The following PXDNL variants were observed in gnomAD, a reference collection of about 807,000 sequenced individuals.
PXDNL encodes probable oxidoreductase PXDNL.
Under a neutral mutation model 150.8 loss-of-function variants are expected in PXDNL, and 145 were observed. That is an observed-to-expected ratio of 0.96 (90% confidence interval 0.84 to 1.10). The LOEUF is 1.10. PXDNL is among the 50% of genes least tolerant of loss of function. PXDNL has a pLI of 0.00. For missense variants in PXDNL, 2,087 were observed against 1,873.9 expected, an observed-to-expected ratio of 1.11 and a Z score of -2.10; for synonymous variants, 757 against 725.7, an observed-to-expected ratio of 1.04 and a Z score of -0.69.
At chr8:51,642,068 A>G (rs1814771571) in intron 2 of PXDNL, among the ~76,000 whole-genome samples, 1 of 152,142 alleles carries the variant, frequency 6.6e-6, no homozygotes, top group Non-Finnish European at 1.5e-5. Flanking sequence ...GACATGGATG[A>G]AATTGGAAAC....
intron 17 of PXDNL, among the ~76,000 whole-genome samples, chr8:51,405,557 GAAGT>G (rs1808413777): frequency 1.3e-5 from 2 of 152,152 alleles, no homozygotes; most frequent in African/African-American, 4.8e-5. Flanking sequence ...AAAAGGAAAA[GAAGT>G]AATAAGATAA....
intron 2 of PXDNL, among the ~76,000 whole-genome samples, chr8:51,630,908 G>A (rs937763011): frequency 5.3e-5 from 8 of 152,066 alleles, no homozygotes; most frequent in Non-Finnish European, 7.4e-5. Flanking sequence ...ATTACCATTC[G>A]ACCTACCAAC....
intron 1 of PXDNL, among the ~76,000 whole-genome samples, chr8:51,695,140 T>A (rs920556698): frequency 1.3e-5 from 2 of 152,200 alleles, no homozygotes; most frequent in Non-Finnish European, 2.9e-5. Context: ...ACCTGCTGTG[T>A]TTCTGTGGTT....
chr8:51,712,434 T>C (rs1816520757), intron 1 of PXDNL, among the ~76,000 whole-genome samples: 1 of 152,240 alleles, frequency 6.6e-6, no homozygotes, highest in African/African-American at 2.4e-5. Flanking sequence ...TGTTTATTTA[T>C]TGTGTTTCTA....
intron 20 of PXDNL, among the ~76,000 whole-genome samples, chr8:51,341,475 ATATGAGATG>A (rs1195390402): frequency 6.6e-6 from 1 of 152,172 alleles, no homozygotes; most frequent in Non-Finnish European, 1.5e-5. Context: ...ATGATACTTA[ATATGAGATG>A]TATCTTCTCA....
intron 17 of PXDNL, among the ~76,000 whole-genome samples, chr8:51,391,768 T>C (rs1807918384): frequency 6.6e-6 from 1 of 152,186 alleles, no homozygotes; most frequent in South Asian, 2.1e-4. Context: ...CAATTTTGGC[T>C]TTTGTTGCCA....
chr8:51,345,296 AC>A (rs1328030436), intron 20 of PXDNL, among the ~76,000 whole-genome samples: 1 of 152,172 alleles, frequency 6.6e-6, no homozygotes, highest in Non-Finnish European at 1.5e-5. Flanking sequence ...TTAAGGCAAC[AC>A]TTTGTATCAA....
At chr8:51,629,956 C>A (rs1814457125) in intron 2 of PXDNL, among the ~76,000 whole-genome samples, 1 of 151,406 alleles carries the variant, frequency 6.6e-6, no homozygotes, top group Non-Finnish European at 1.5e-5. Flanking sequence ...TAATATGGAA[C>A]CAAAAAAAAA....
At chr8:51,518,676 A>C (rs866443329) in intron 4 of PXDNL, among the ~76,000 whole-genome samples, 6 of 152,172 alleles carry the variant, frequency 3.9e-5, no homozygotes, top group Non-Finnish European at 8.8e-5. Context: ...AAAAAGGAGG[A>C]GGTGACTGAC....
intron 7 of PXDNL, among the ~76,000 whole-genome samples, chr8:51,473,391 C>T (rs1810394216): frequency 6.6e-6 from 1 of 151,414 alleles, no homozygotes; most frequent in African/African-American, 2.4e-5. Flanking sequence ...GGACCTGATT[C>T]AGTATGGAGG....
intron 4 of PXDNL, among the ~76,000 whole-genome samples, chr8:51,500,483 G>T (rs925937795): frequency 9.2e-5 from 14 of 152,226 alleles, no homozygotes; most frequent in Admixed American, 4.6e-4. Context: ...TGTTTCCAAA[G>T]CAGACAGTTG....
chr8:51,751,787 A>G (rs753735953), intron 1 of PXDNL, among the ~76,000 whole-genome samples: 4 of 152,186 alleles, frequency 2.6e-5, no homozygotes, highest in Non-Finnish European at 5.9e-5. Flanking sequence ...AAAAGAAAAT[A>G]AAGGTTTAGA....
At chr8:51,379,155 G>GAGTT (rs758955970) in intron 17 of PXDNL, among the ~76,000 whole-genome samples, 70 of 152,034 alleles carry the variant, frequency 4.6e-4, no homozygotes, top group Non-Finnish European at 8.8e-4. Context: ...AGTGAACGTG[G>GAGTT]AGTTCCAGTG....
rs754363371 is a variant in PXDNL at position 51,320,075 on chromosome 8, T to G, written c.4261-53A>C. 12 of 1,288,550 alleles carry G rather than the reference T, an allele frequency of 9.3e-6. No individual in the cohort carries two copies. The highest frequency in any genetic ancestry group is 3.1e-5 in the African/African-American group (2 of 65,362). 79.8% of individuals were successfully genotyped at this position (1,288,550 alleles called of 1,614,324 possible). ...CCATGTTTCTTATAATCAAAGTACT[T>G]AAAAGACAAATAAATGTTTCTTATA... On this transcript the variant is annotated intron_variant, in intron 22 of 22. Coordinates refer to ENST00000356297, the MANE Select transcript of PXDNL (RefSeq NM_144651.5).
intron 17 of PXDNL, among the ~76,000 whole-genome samples, chr8:51,402,711 A>G (rs919856352): frequency 1.3e-5 from 2 of 152,210 alleles, no homozygotes; most frequent in Non-Finnish European, 2.9e-5. Context: ...TATGTTCACC[A>G]TTCAGTGAAT....
intron 6 of PXDNL, among the ~76,000 whole-genome samples, 176 bp downstream of exon 6, chr8:51,483,467 A>C (rs1810649693): frequency 6.6e-6 from 1 of 152,246 alleles, no homozygotes. Flanking sequence ...GAAAGCCCAG[A>C]AGACTATCTG....
At chr8:51,392,378 A>G (rs1448532164) in intron 17 of PXDNL, among the ~76,000 whole-genome samples, 2 of 152,146 alleles carry the variant, frequency 1.3e-5, no homozygotes, top group African/African-American at 2.4e-5. Context: ...TGAGCATGGA[A>G]TGTTCTTCCA....
Position 51,411,291 on chromosome 8 carries a change from T to A in PXDNL, c.2021A>T (p.Glu674Val), listed in dbSNP as rs1264651635. The part of the protein sequence containing the change: ...IFEHTLQLIR[E>V]RVKQGLTVDL... ...CACAGTGAGCCCCTGCTTCACACGT[T>A]CCCGTATCAGCTGCAGCGTGTGCTC... The change falls in exon 16 of 23, where the codon GAA (glutamate) becomes GTA (valine). Residue 674 changes from glutamate to valine, a missense_variant. Transcript: ENST00000356297. 1 of 1,552,776 alleles carries A rather than the reference T, an allele frequency of 6.4e-7. No individual in the cohort carries two copies. The highest frequency in any genetic ancestry group is 8.7e-7 in the Non-Finnish European group (1 of 1,153,244).
intron 14 of PXDNL, among the ~76,000 whole-genome samples, chr8:51,414,167 T>C (rs1808729946): frequency 6.6e-6 from 1 of 151,864 alleles, no homozygotes; most frequent in Non-Finnish European, 1.5e-5. Flanking sequence ...GTAACTAATA[T>C]AAGCTTAAGT....
Sources: gnomAD v4.1 joint callset for allele counts (sites outside exome capture counted in the v4.1 genomes callset) on GRCh38, gnomAD v4.1.1 for gene constraint, MANE v1.5 for transcripts, NCBI Gene and HGNC (gene_info 2026-07-23, HGNC 2026-07-21) for gene names.